CLIP4: variants seen among roughly 807,000 people sequenced by gnomAD.
The protein encoded by CLIP4 is CAP-Gly domain-containing linker protein 4.
Under a neutral mutation model 73.1 loss-of-function variants are expected in CLIP4, and 47 were observed. The ratio of observed to expected loss-of-function variants is 0.64; its 90% CI spans 0.51 to 0.82. CLIP4 has a LOEUF of 0.82. CLIP4 is among the 40% of genes least tolerant of loss of function. CLIP4 has a pLI of 0.00. For missense variants in CLIP4, 874 were observed against 852.9 expected, an observed-to-expected ratio of 1.02 and a Z score of -0.31; for synonymous variants, 306 against 295.4, an observed-to-expected ratio of 1.04 and a Z score of -0.37.
intron 2 of CLIP4, chr2:29,130,848 T>C: frequency 7.8e-7 from 1 of 1,289,508 alleles, no homozygotes; most frequent in Non-Finnish European, 1.0e-6. Context: ...CCTCAATGAG[T>C]CCCACTACTT....
chr2:29,124,565 A>T (rs888385883), intron 2 of CLIP4, among the ~76,000 whole-genome samples: 8 of 152,068 alleles, frequency 5.3e-5, no homozygotes, highest in Non-Finnish European at 1.2e-4. Flanking sequence ...AGATACTGTA[A>T]TTGCATGTAT....
chr2:29,167,846 A>G (rs573422630), intron 14 of CLIP4: 29 of 217,192 alleles, frequency 1.3e-4, no homozygotes, highest in Non-Finnish European at 2.5e-4. Context: ...TGTCACCCAT[A>G]TATAGATATA....
chr2:29,141,282 A>T (rs2147985122), intron 6 of CLIP4, among the ~76,000 whole-genome samples: 1 of 152,268 alleles, frequency 6.6e-6, no homozygotes, highest in East Asian at 1.9e-4. Context: ...TGCAAATGAG[A>T]ATAGCATTTA....
intron 8 of CLIP4, among the ~76,000 whole-genome samples, chr2:29,148,732 AAGAG>A (rs1453239078): frequency 6.6e-6 from 1 of 152,182 alleles, no homozygotes; most frequent in East Asian, 1.9e-4. Flanking sequence ...TTGTACTATG[AAGAG>A]AGAGATTTAG....
At chr2:29,131,446 G>A (rs891563193) in intron 3 of CLIP4, 49 bp downstream of exon 3, 1 of 1,534,836 alleles carries the variant, frequency 6.5e-7, no homozygotes, top group Non-Finnish European at 8.7e-7. Flanking sequence ...ATTGTTAATG[G>A]TATAGATTTT....
Position 29,100,214 on chromosome 2 carries a change from G to A in CLIP4, c.-16+2267G>A, listed in dbSNP as rs1209946370. Among the ~76,000 whole-genome samples the A allele has an allele frequency of 2.0e-5, 3 of 152,016 alleles. No individual in the cohort carries two copies. In the East Asian group the frequency reaches 5.8e-4, roughly 29 times the overall value. ...CAAAATTCTGGGATTACAGGCATGAGCCACCATGCCTGGCCACAACTGACT... is the reference window on the plus strand; with the variant it reads ...CAAAATTCTGGGATTACAGGCATGAACCACCATGCCTGGCCACAACTGACT... On this transcript the variant is annotated intron_variant, in intron 1 of 14. Coordinates refer to the CLIP4 transcript ENST00000401605.
At chr2:29,132,109 C>T (rs754063786) in intron 3 of CLIP4, 43 bp from the exon 4 acceptor site, 18 of 1,454,726 alleles carry the variant, frequency 1.2e-5, no homozygotes, top group Non-Finnish European at 1.5e-5. Flanking sequence ...CAATAGGTAC[C>T]TCAGTAGTTA....
intron 15 of CLIP4, among the ~76,000 whole-genome samples, chr2:29,176,493 G>A (rs982760662): frequency 2.0e-5 from 3 of 152,208 alleles, no homozygotes; most frequent in East Asian, 1.9e-4. Context: ...AGCAAGCTGG[G>A]AGAGGAGAAG....
intron 1 of CLIP4, among the ~76,000 whole-genome samples, chr2:29,103,380 C>A (rs1031544124): frequency 1.3e-5 from 2 of 151,726 alleles, no homozygotes; most frequent in African/African-American, 4.8e-5. Context: ...TTCTAAAACA[C>A]CCAATTTAGT....
chr2:29,135,202 A>G (rs947883076), intron 5 of CLIP4, among the ~76,000 whole-genome samples: 3 of 152,214 alleles, frequency 2.0e-5, no homozygotes, highest in African/African-American at 7.2e-5. Flanking sequence ...ACCTCACTGT[A>G]GTTGTCATGG....
At chr2:29,129,648 G>GT (rs1361913033) in intron 2 of CLIP4, among the ~76,000 whole-genome samples, 1 of 151,862 alleles carries the variant, frequency 6.6e-6, no homozygotes, top group Non-Finnish European at 1.5e-5. Flanking sequence ...TTTTATTTGA[G>GT]TGCTGTAGGG....
chr2:29,108,832 T>C (rs571157907), intron 1 of CLIP4, among the ~76,000 whole-genome samples: 120 of 152,176 alleles, frequency 7.9e-4, no homozygotes, highest in Non-Finnish European at 1.4e-3. Context: ...TAATTTAATA[T>C]CCAGTCTAGG....
In CLIP4 at chr2:29,105,108, T is replaced by A. The variant is rs1668164762; in HGVS notation, c.-16+7161T>A. On this transcript the variant is annotated intron_variant, in intron 1 of 14. Transcript: ENST00000401605. ...TGTGGGTGTTATTGCTAGGCTGCAA[T>A]GTGTTTAATGAGGTGTGATAGGAAA... Among the ~76,000 whole-genome samples the A allele has an allele frequency of 1.3e-5, 2 of 152,306 alleles. 1 individual carries two copies. Among genetic ancestry groups the A allele is most frequent in the Admixed American group, 1.3e-4 (2 of 15,306 alleles).
chr2:29,115,760 T>C lies in CLIP4; in HGVS notation c.-16+95T>C, dbSNP rs1572866581. Reference sequence around the variant, plus strand: ...GCGGCCCTGGGGGCCCGCGGGGAGGTCAGTGGCCCCGGGAGGGTCGCGCAG... The same window carrying C: ...GCGGCCCTGGGGGCCCGCGGGGAGGCCAGTGGCCCCGGGAGGGTCGCGCAG... On this transcript the variant is annotated intron_variant, in intron 1 of 15. Coordinates refer to ENST00000320081, the MANE Select transcript of CLIP4 (RefSeq NM_024692.6). This position sits in a 1 kb window ranked among gnomAD's most constrained non-coding sequence, Gnocchi z 5.1. 1.3e-5 allele frequency: 2 copies of C among 148,400 alleles called. No homozygotes were observed. Among genetic ancestry groups the C allele is most frequent in the East Asian group, 4.0e-4 (2 of 4,976 alleles). The allele number at this position is 148,400 out of a possible 1,614,324, so 9.2% of individuals were successfully genotyped here. A position where few individuals can be genotyped will look rare whatever the true frequency, so the allele number is the denominator to read the frequency against.
At chr2:29,160,730 ACTGATTG>A (rs1341328087) in intron 12 of CLIP4, among the ~76,000 whole-genome samples, 1 of 152,142 alleles carries the variant, frequency 6.6e-6, no homozygotes, top group Non-Finnish European at 1.5e-5. Context: ...TTTTACTCTT[ACTGATTG>A]CTGGGTGTGC....
chr2:29,175,885 C>A (rs1435955723), intron 15 of CLIP4, among the ~76,000 whole-genome samples: 2 of 151,954 alleles, frequency 1.3e-5, no homozygotes, highest in Non-Finnish European at 2.9e-5. Context: ...TCTCAGCCTC[C>A]CAAGCAGCTG....
intron 2 of CLIP4, 83 bp downstream of exon 2, chr2:29,121,604 T>C: frequency 2.1e-6 from 3 of 1,447,236 alleles, no homozygotes; most frequent in Non-Finnish European, 2.8e-6. Context: ...ATAGTCTTTC[T>C]TAGAACCATT....
intron 12 of CLIP4, among the ~76,000 whole-genome samples, chr2:29,161,085 CTG>C (rs1233456923): frequency 1.5e-4 from 23 of 152,156 alleles, no homozygotes; most frequent in Non-Finnish European, 3.1e-4. Context: ...AGCGGTTCTC[CTG>C]CCTCAGCCTC....
At chr2:29,143,390 C>G (rs1011690894) in intron 6 of CLIP4, among the ~76,000 whole-genome samples, 2 of 105,240 alleles carry the variant, frequency 1.9e-5, no homozygotes, top group Admixed American at 1.3e-4. Flanking sequence ...ATTTCCTATT[C>G]CCCTTCCCTG....
Sources: gnomAD v4.1 joint callset for allele counts (sites outside exome capture counted in the v4.1 genomes callset) on GRCh38, gnomAD v4.1.1 for gene constraint, Gnocchi (gnomAD v3.1) non-coding constraint, MANE v1.5 for transcripts, NCBI Gene and HGNC (gene_info 2026-07-23, HGNC 2026-07-21) for gene names.